POU2F3: variants seen among roughly 807,000 people sequenced by gnomAD.
The protein encoded by POU2F3 is POU class 2 homeobox 3, also known as POU domain, class 2, transcription factor 3.
Under a neutral mutation model 59.2 loss-of-function variants are expected in POU2F3, and 23 were observed. The observed-to-expected ratio is 0.39, with a 90% confidence interval of 0.28 to 0.55. POU2F3 has a LOEUF of 0.55. POU2F3 is among the 20% of genes least tolerant of loss of function. POU2F3 has a pLI of 0.66. For synonymous variants in POU2F3, 190 were observed against 214.6 expected, an observed-to-expected ratio of 0.89 and a Z score of 1.00; for missense variants, 473 against 544.5, an observed-to-expected ratio of 0.87 and a Z score of 1.31.
intron 3 of POU2F3, among the ~76,000 whole-genome samples, chr11:120,290,447 A>G (rs1045434714): frequency 7.9e-5 from 12 of 152,196 alleles, no homozygotes; most frequent in Admixed American, 6.5e-4. Context: ...AGCACCTCTC[A>G]GTAGCTTCCA....
At chr11:120,307,817 C>G (rs1941540830) in intron 9 of POU2F3, among the ~76,000 whole-genome samples, 2 of 152,172 alleles carry the variant, frequency 1.3e-5, no homozygotes, top group African/African-American at 4.8e-5. Flanking sequence ...GAACCTCCTC[C>G]TCCTCCACTG....
At chr11:120,250,420 C>A (rs1420830535) in intron 2 of POU2F3, 1 of 152,218 alleles carries the variant, frequency 6.6e-6, no homozygotes, top group Non-Finnish European at 1.5e-5. Context: ...ATAACAGTGA[C>A]AACATGTGTC....
intron 8 of POU2F3, among the ~76,000 whole-genome samples, chr11:120,306,633 G>A (rs879622967): frequency 1.1e-4 from 17 of 152,252 alleles, no homozygotes; most frequent in Admixed American, 5.2e-4. Context: ...GAGAACTGCC[G>A]GCCTAGGCAG....
intron 3 of POU2F3, among the ~76,000 whole-genome samples, chr11:120,274,471 G>C (rs12800691): frequency 0.17 from 25,153 of 152,172 alleles, 2,311 homozygotes; most frequent in Admixed American, 0.3. Flanking sequence ...GCGACAGGTT[G>C]GGCATGGACA....
rs184507706 is a variant in POU2F3 at position 120,261,478 on chromosome 11, G to T, written c.98-7732G>T. Among the ~76,000 whole-genome samples, 50 of 152,250 alleles carry T rather than the reference G, an allele frequency of 3.3e-4. No individual in the cohort carries two copies. The East Asian group carries it at 9.5e-3, about 29-fold the overall frequency. Reference sequence around the variant, plus strand: ...GGCCCAGAGATTCCCAGGGGTCCATGAGAACCAAAAGAGGCCTGGAGAGAT... The same window carrying T: ...GGCCCAGAGATTCCCAGGGGTCCATTAGAACCAAAAGAGGCCTGGAGAGAT... On this transcript the variant is annotated intron_variant, in intron 2 of 12. Coordinates refer to ENST00000543440, the MANE Select transcript of POU2F3 (RefSeq NM_014352.4).
chr11:120,245,486 G>T (rs987408605), intron 1 of POU2F3, among the ~76,000 whole-genome samples: 1 of 152,084 alleles, frequency 6.6e-6, no homozygotes, highest in African/African-American at 2.4e-5. Flanking sequence ...AGAAGGGGGG[G>T]TGTGGGGGTC....
chr11:120,236,854 G>A (rs542008007), upstream of POU2F3: 16 of 732,826 alleles, frequency 2.2e-5, no homozygotes, highest in African/African-American at 6.9e-5. Flanking sequence ...AGCCTTCTAA[G>A]CCTCAGGGCA....
chr11:120,271,591 G>A (rs1049598835), intron 3 of POU2F3, among the ~76,000 whole-genome samples: 1 of 152,184 alleles, frequency 6.6e-6, no homozygotes, highest in Non-Finnish European at 1.5e-5. Flanking sequence ...CCAGCCTTGC[G>A]GGGAGGTGGC....
At chr11:120,289,881 C>T (rs1434383836) in intron 3 of POU2F3, among the ~76,000 whole-genome samples, 2 of 152,194 alleles carry the variant, frequency 1.3e-5, no homozygotes, top group Non-Finnish European at 2.9e-5. Flanking sequence ...AGAAGTACTG[C>T]TCTGTAGGAG....
Position 120,318,525 on chromosome 11 carries a change from T to A in POU2F3, c.*133T>A. 1.1e-6 allele frequency: 1 copy of A among 925,194 alleles called. No individual in the cohort carries two copies. The highest frequency in any genetic ancestry group is 2.2e-4 in the Middle Eastern group (1 of 4,456). 57.3% of individuals were successfully genotyped at this position (925,194 alleles called of 1,614,324 possible). On this transcript the variant is annotated 3_prime_UTR_variant, in exon 13 of 13. Transcript: ENST00000543440. The stretch of plus-strand genomic sequence containing the variant: ...CTCCACTATCAATGAACCCAGACTC[T>A]TGTCTTCTTCAAGAGCAAGGGCCTC...
chr11:120,241,470 G>A (rs536679707), intron 1 of POU2F3, among the ~76,000 whole-genome samples: 1 of 152,306 alleles, frequency 6.6e-6, no homozygotes, highest in East Asian at 1.9e-4. Context: ...TCCTGGCAGG[G>A]CTGAGTGAGA....
chr11:120,253,606 G>T (rs1362234358), intron 2 of POU2F3: 1 of 152,196 alleles, frequency 6.6e-6, no homozygotes, highest in Non-Finnish European at 1.5e-5. Flanking sequence ...GCTGGTCCTG[G>T]ACCTCCACAG....
At chr11:120,247,523 C>T (rs1297315699) in intron 2 of POU2F3, among the ~76,000 whole-genome samples, 1 of 152,172 alleles carries the variant, frequency 6.6e-6, no homozygotes, top group Non-Finnish European at 1.5e-5. Context: ...GGTAGCAATA[C>T]ACATCAAACT....
At position 120,305,124 on chromosome 11, in the gene POU2F3, G is replaced by T; in HGVS notation, c.539G>T (p.Gly180Val). Residue 180 changes from glycine (G) to valine (V), a missense_variant, in exon 7 of 13, where the codon GGA becomes GTA. By Grantham distance (109) the Gly-to-Val change is moderately radical. Coordinates refer to ENST00000543440, the MANE Select transcript of POU2F3 (RefSeq NM_014352.4). ...GTGCCCAAGCATCTACCCAGCTCTG[G>T]AGGGGCCGATGAGCCCAGTGACCTC... Reference protein sequence around the residue: ...LPVPKHLPSSGGADEPSDLEE... With the variant: ...LPVPKHLPSSVGADEPSDLEE... 1 of 1,613,934 alleles carries T rather than the reference G, an allele frequency of 6.2e-7. No homozygotes were observed. Among genetic ancestry groups the T allele is most frequent in the Admixed American group, 1.7e-5 (1 of 59,996 alleles).
chr11:120,316,433 T>G (rs1941790650), intron 11 of POU2F3, among the ~76,000 whole-genome samples: 1 of 152,182 alleles, frequency 6.6e-6, no homozygotes, highest in South Asian at 2.1e-4. Context: ...TGTTTTTGTT[T>G]TGTTTTGTTT....
Position 120,242,270 on chromosome 11 carries a change from A to G in POU2F3, c.28+1899A>G, listed in dbSNP as rs977704538. 3.9e-5 allele frequency among the ~76,000 whole-genome samples: 6 copies of G among 152,076 alleles called. No individual in the cohort carries two copies. In the East Asian group the frequency reaches 5.8e-4, roughly 15 times the overall value. ...GTCCCATCTCTCTAACTGGGTCTCT[A>G]TTAGAGGGCTCTCTTTGCTGGGTCC... On this transcript the variant is annotated intron_variant, in intron 1 of 12. Transcript: ENST00000543440.
At chr11:120,298,519 G>A (rs1454439139) in intron 4 of POU2F3, 129 bp downstream of exon 4, 8 of 1,301,988 alleles carry the variant, frequency 6.1e-6, no homozygotes, top group Non-Finnish European at 8.4e-6. Flanking sequence ...TCTGGAGGCT[G>A]TGAGTAGGGT....
intron 3 of POU2F3, among the ~76,000 whole-genome samples, chr11:120,276,004 C>T (rs969220567): frequency 3.9e-5 from 6 of 152,088 alleles, no homozygotes; most frequent in South Asian, 2.1e-4. Context: ...GATTCAGGTA[C>T]GGAAAGGTCT....
At chr11:120,284,409 G>A (rs11217788) in intron 3 of POU2F3, among the ~76,000 whole-genome samples, 20,557 of 152,076 alleles carry the variant, frequency 0.14, 1,815 homozygotes, top group Admixed American at 0.31. Flanking sequence ...AGAGTGTGGA[G>A]TGGGCTCCAT....
Sources: allele counts gnomAD v4.1 joint callset (sites outside exome capture counted in the v4.1 genomes callset), GRCh38; gene constraint gnomAD v4.1.1; transcripts MANE v1.5; gene names NCBI Gene and HGNC (gene_info 2026-07-23, HGNC 2026-07-21).